Variants in ESR2 observed in about 807,000 individuals in gnomAD.
ESR2 encodes the protein estrogen receptor beta.
A neutral mutation model predicts 49.6 loss-of-function variants in ESR2; 36 were observed. The ratio of observed to expected loss-of-function variants is 0.73; its 90% CI spans 0.56 to 0.96. ESR2 has a LOEUF of 0.96. Ranked by LOEUF, ESR2 falls within the 40% of genes least tolerant of loss-of-function variation. The probability of loss-of-function intolerance (pLI) is 0.00; values close to 1 mark genes in which losing one functional copy is unlikely to be tolerated. For synonymous variants in ESR2, 320 were observed against 266.1 expected (o/e 1.20, Z -1.97); for missense variants, 714 against 693.0 (o/e 1.03, Z -0.34).
At chr14:64,242,960 G>A (rs192235370) in intron 7 of ESR2, among the ~76,000 whole-genome samples, 33 of 152,306 alleles carry the variant, frequency 2.2e-4, no homozygotes, top group African/African-American at 7.0e-4. Flanking sequence ...CTTGTGCAGG[G>A]AAACTCCCAT....
intron 4 of ESR2, among the ~76,000 whole-genome samples, chr14:64,262,296 GT>G (rs750110816): frequency 1.1e-4 from 16 of 151,660 alleles, no homozygotes; most frequent in Non-Finnish European, 2.1e-4. Flanking sequence ...TGTATTTTTT[GT>G]AAAGACAGGG....
chr14:64,282,260 G>T (rs1020699638), intron 2 of ESR2, among the ~76,000 whole-genome samples: 2 of 152,164 alleles, frequency 1.3e-5, no homozygotes, highest in East Asian at 3.8e-4. Context: ...CACGAGAATT[G>T]CTTGAACCCA....
rs2098725594 is a variant in ESR2, at chr14:64,229,876, A to G, written c.*3261T>C. Reference sequence around the variant, plus strand: ...TTATCTTTTTAAAAGATTTTCAGCAACTTAAAAAAAAATGTGGCGGGGCTG... The same window carrying G: ...TTATCTTTTTAAAAGATTTTCAGCAGCTTAAAAAAAAATGTGGCGGGGCTG... On this transcript the variant is annotated 3_prime_UTR_variant, in exon 9 of 9. Coordinates refer to ENST00000341099, the MANE Select transcript of ESR2 (RefSeq NM_001437.3). 6.6e-6 allele frequency among the ~76,000 whole-genome samples: 1 copy of G among 152,070 alleles called. No homozygotes were observed. The highest frequency in any genetic ancestry group is 2.4e-5 in the African/African-American group (1 of 41,356).
chr14:64,333,373 C>T (rs2077486842), intron 1 of ESR2, among the ~76,000 whole-genome samples: 1 of 152,070 alleles, frequency 6.6e-6, no homozygotes, highest in African/African-American at 2.4e-5. Context: ...ACAATATGTT[C>T]CTCTAGATCC....
downstream of ESR2, chr14:64,227,884 T>C: frequency 2.5e-6 from 4 of 1,597,720 alleles, no homozygotes; most frequent in Non-Finnish European, 3.4e-6. Flanking sequence ...CACATGACTC[T>C]TGGCACTAAG....
rs1272574774 is a variant in ESR2 at position 64,329,529 on chromosome 14, T to A, written c.-91+8369A>T. ...CAGGCACTGTGGCTCATGCCTGTAA[T>A]CTCAGCACTTTGGGAGGCCAAGGCA... On this transcript the variant is annotated intron_variant, in intron 1 of 8. Transcript: ENST00000358599. The A allele has an allele frequency of 3.3e-5, 5 of 152,070 alleles. No homozygotes were observed. The East Asian group carries it at 7.7e-4, about 23-fold the overall frequency. The allele number at this position is 152,070 out of a possible 1,614,324, so 9.4% of individuals were successfully genotyped here. A position where few individuals can be genotyped will look rare whatever the true frequency, so the allele number is the denominator to read the frequency against.
At chr14:64,288,741 C>T (rs1159318775) in intron 1 of ESR2, among the ~76,000 whole-genome samples, 1 of 151,602 alleles carries the variant, frequency 6.6e-6, no homozygotes, top group Non-Finnish European at 1.5e-5. Flanking sequence ...AATCCCAGCA[C>T]TTTGAGAGGC....
upstream of ESR2, among the ~76,000 whole-genome samples, chr14:64,294,880 G>A (rs2076933969): frequency 6.6e-6 from 1 of 152,212 alleles, no homozygotes; most frequent in Non-Finnish European, 1.5e-5. Flanking sequence ...GAGGTCACTG[G>A]GAAGGCCTTT....
At chr14:64,260,965 T>C (rs1243623834) in intron 4 of ESR2, among the ~76,000 whole-genome samples, 1 of 143,434 alleles carries the variant, frequency 7.0e-6, no homozygotes, top group African/African-American at 2.5e-5. Context: ...CTATAAAGAG[T>C]GCTCATAAAC....
chr14:64,242,827 A>C (rs1352323342), intron 7 of ESR2, among the ~76,000 whole-genome samples: 1 of 117,424 alleles, frequency 8.5e-6, no homozygotes, highest in Non-Finnish European at 1.7e-5. Context: ...GACATACCCA[A>C]GACTGGGCAA....
intron 1 of ESR2, among the ~76,000 whole-genome samples, chr14:64,303,173 A>G (rs117042313): frequency 0.02 from 3,022 of 152,284 alleles, 51 homozygotes; most frequent in Admixed American, 0.043. Context: ...GAATTTGGCC[A>G]TGGTGGAATA....
downstream of ESR2, chr14:64,227,886 G>A (rs1310982837): frequency 6.3e-7 from 1 of 1,597,234 alleles, no homozygotes; most frequent in Admixed American, 1.7e-5. Flanking sequence ...CATGACTCTT[G>A]GCACTAAGAT....
intron 8 of ESR2, 187 bp from the exon 9 acceptor site, chr14:64,233,510 ATGTCT>A (rs1425989589): frequency 3.4e-6 from 2 of 580,136 alleles, no homozygotes; most frequent in Middle Eastern, 4.7e-4. Context: ...GGCAAGGACG[ATGTCT>A]TGTCAGCCTC....
At chr14:64,274,879 T>C (rs945398563) in intron 3 of ESR2, among the ~76,000 whole-genome samples, 1 of 152,210 alleles carries the variant, frequency 6.6e-6, no homozygotes, top group Non-Finnish European at 1.5e-5. Context: ...TTCAGGAGTA[T>C]ATGGTTTAAT....
intron 4 of ESR2, among the ~76,000 whole-genome samples, chr14:64,262,810 G>A (rs1056098731): frequency 2.6e-5 from 4 of 152,048 alleles, no homozygotes; most frequent in African/African-American, 9.7e-5. Context: ...GTTTAGGAAG[G>A]TGAGGCAGGA....
At chr14:64,315,243 C>CAAA (rs201805001) in intron 1 of ESR2, among the ~76,000 whole-genome samples, 17 of 46,760 alleles carry the variant, frequency 3.6e-4, no homozygotes, top group Middle Eastern at 0.015. Flanking sequence ...GAGTCTGTCT[C>CAAA]AAAAAAAAAA....
intron 1 of ESR2, among the ~76,000 whole-genome samples, chr14:64,283,980 C>T (rs1187451560): frequency 6.6e-6 from 1 of 151,900 alleles, no homozygotes; most frequent in Non-Finnish European, 1.5e-5. Flanking sequence ...GGCTGGAGTG[C>T]AGTGGCATGA....
chr14:64,230,403 G>T lies in ESR2; in HGVS notation c.*2734C>A, dbSNP rs1297052609. Among the ~76,000 whole-genome samples the T allele has an allele frequency of 6.6e-6, 1 of 151,950 alleles. No individual in the cohort carries two copies. Among genetic ancestry groups the T allele is most frequent in the African/African-American group, 2.4e-5 (1 of 41,370 alleles). ...TAAATATATATGGATATATAATATGGCTCTGCCAAGTATTGGTAACTGATT... is the reference window on the plus strand; with the variant it reads ...TAAATATATATGGATATATAATATGTCTCTGCCAAGTATTGGTAACTGATT... On this transcript the variant is annotated 3_prime_UTR_variant, in exon 9 of 9. Transcript: ENST00000341099.
chr14:64,258,279 C>G (rs1385225322), intron 5 of ESR2, among the ~76,000 whole-genome samples: 1 of 152,140 alleles, frequency 6.6e-6, no homozygotes, highest in East Asian at 1.9e-4. Flanking sequence ...AACCTAATAA[C>G]CCATGTTGGT....
Sources: allele counts gnomAD v4.1 joint callset (sites outside exome capture counted in the v4.1 genomes callset), GRCh38; gene constraint gnomAD v4.1.1; transcripts MANE v1.5; gene names NCBI Gene and HGNC (gene_info 2026-07-23, HGNC 2026-07-21).